The following HS3ST4 variants were observed in gnomAD, a reference collection of about 807,000 sequenced individuals.
HS3ST4 encodes the protein heparan sulfate glucosamine 3-O-sulfotransferase 4.
In HS3ST4, 17 loss-of-function variants were observed where a neutral mutation model predicts 29.2. The observed-to-expected ratio is 0.58, with a 90% CI of 0.40 to 0.87. The LOEUF (loss-of-function observed/expected upper bound fraction) is 0.87, where lower values mean the gene tolerates loss of function less well. Among genes scored for constraint, HS3ST4 ranks in the 40% least tolerant of loss-of-function variants. The pLI is 0.00. For missense variants in HS3ST4, 627 were observed against 634.5 expected, an observed-to-expected ratio of 0.99 and a Z score of 0.13; for synonymous variants, 314 against 285.7, an observed-to-expected ratio of 1.10 and a Z score of -1.00.
chr16:25,848,484 G>A (rs965043018), intron 1 of HS3ST4, among the ~76,000 whole-genome samples: 2 of 150,202 alleles, frequency 1.3e-5, no homozygotes, highest in African/African-American at 4.9e-5. Context: ...CTTTTTCTAA[G>A]CCCTTTTTGA....
intron 1 of HS3ST4, among the ~76,000 whole-genome samples, chr16:26,091,925 A>G (rs1898862256): frequency 6.6e-6 from 1 of 152,184 alleles, no homozygotes; most frequent in African/African-American, 2.4e-5. Context: ...GCTGTGAACA[A>G]TGATATGAAA....
In HS3ST4 at chr16:26,054,299, A is replaced by AGAGAGAGAGAG. The variant is rs397962355; in HGVS notation, c.735-81313_735-81312insGAGAGAGAGAG. Reference sequence around the variant, plus strand: ...GAGAGAGAGAGAGAGAGAGAGAGAGAAGGAGGAGGAGGAAGAAGAAGAAGA... The same window carrying AGAGAGAGAGAG: ...GAGAGAGAGAGAGAGAGAGAGAGAGAGAGAGAGAGAGAGGAGGAGGAGGAAGAAGAAGAAGA... On this transcript the variant is annotated intron_variant, in intron 1 of 1. Transcript: ENST00000331351. 2.2e-3 allele frequency among the ~76,000 whole-genome samples: 311 copies of AGAGAGAGAGAG among 141,618 alleles called. 4 individuals carry two copies. The highest frequency in any genetic ancestry group is 7.7e-3 in the Middle Eastern group (2 of 260). The allele number at this position is 141,618 out of a possible 152,430, so 92.9% of individuals were successfully genotyped here. A position where few individuals can be genotyped will look rare whatever the true frequency, so the allele number is the denominator to read the frequency against.
At chr16:25,974,996 C>T (rs1968929721) in intron 1 of HS3ST4, among the ~76,000 whole-genome samples, 1 of 152,096 alleles carries the variant, frequency 6.6e-6, no homozygotes, top group African/African-American at 2.4e-5. Context: ...CATCCAGTTG[C>T]TCTGGTTAAA....
intron 1 of HS3ST4, among the ~76,000 whole-genome samples, chr16:26,026,473 C>T (rs1178354755): frequency 6.6e-6 from 1 of 152,124 alleles, no homozygotes; most frequent in East Asian, 1.9e-4. Flanking sequence ...TCCTATCTTT[C>T]TCCTTTGCTA....
At chr16:25,801,602 G>A (rs888749135) in intron 1 of HS3ST4, among the ~76,000 whole-genome samples, 1 of 152,194 alleles carries the variant, frequency 6.6e-6, no homozygotes, top group Non-Finnish European at 1.5e-5. Context: ...GACTTTGCCA[G>A]TTAGTGAGGA....
At chr16:25,962,563 T>A (rs1337208673) in intron 1 of HS3ST4, among the ~76,000 whole-genome samples, 3 of 152,242 alleles carry the variant, frequency 2.0e-5, no homozygotes, top group African/African-American at 4.8e-5. Flanking sequence ...TTGCTTATAC[T>A]AACTGATGAG....
chr16:25,870,750 A>T (rs1418460142), intron 1 of HS3ST4, among the ~76,000 whole-genome samples: 1 of 152,204 alleles, frequency 6.6e-6, no homozygotes, highest in Non-Finnish European at 1.5e-5. Context: ...TGGTACAGAA[A>T]CAGGGATACC....
At chr16:25,962,699 G>T (rs896400405) in intron 1 of HS3ST4, among the ~76,000 whole-genome samples, 3 of 152,106 alleles carry the variant, frequency 2.0e-5, no homozygotes, top group Admixed American at 2.0e-4. Flanking sequence ...TAGCATGAAG[G>T]TGAGGTGGAT....
At chr16:25,855,428 T>C (rs1255704062) in intron 1 of HS3ST4, among the ~76,000 whole-genome samples, 1 of 152,210 alleles carries the variant, frequency 6.6e-6, no homozygotes, top group Non-Finnish European at 1.5e-5. Context: ...CCCATAAAGA[T>C]GGCTTTGCAG....
chr16:25,789,463 C>T (rs573384785), intron 1 of HS3ST4, among the ~76,000 whole-genome samples: 450 of 13,028 alleles, frequency 0.035, 2 homozygotes, highest in Non-Finnish European at 0.042. Context: ...TCCTTCCTTC[C>T]TTCCTTCTTT....
At chr16:25,847,500 G>A (rs1008210526) in intron 1 of HS3ST4, among the ~76,000 whole-genome samples, 1 of 152,022 alleles carries the variant, frequency 6.6e-6, no homozygotes, top group African/African-American at 2.4e-5. Flanking sequence ...TTTTGACTTG[G>A]TGCAATGTCT....
chr16:25,845,037 A>AG (rs140689314), intron 1 of HS3ST4, among the ~76,000 whole-genome samples: 138 of 151,948 alleles, frequency 9.1e-4, no homozygotes, highest in African/African-American at 3.1e-3. Flanking sequence ...TCATACACTG[A>AG]GGCCTGTTGG....
intron 1 of HS3ST4, among the ~76,000 whole-genome samples, chr16:25,814,984 A>G (rs138161206): frequency 6.6e-6 from 1 of 152,292 alleles, no homozygotes; most frequent in East Asian, 1.9e-4. Context: ...GCATGCCTGG[A>G]GAAATTAGAC....
At chr16:25,734,119 A>AAAAAC (rs541002328) in intron 1 of HS3ST4, among the ~76,000 whole-genome samples, 3,072 of 152,300 alleles carry the variant, frequency 0.02, 42 homozygotes, top group Non-Finnish European at 0.034. Flanking sequence ...TCCGTCTCAA[A>AAAAAC]AAAACAAAAC....
chr16:25,992,362 C>G (rs1267481041), intron 1 of HS3ST4, among the ~76,000 whole-genome samples: 1 of 152,142 alleles, frequency 6.6e-6, no homozygotes, highest in African/African-American at 2.4e-5. Context: ...TGATGTCCAG[C>G]AATTAGCCAG....
intron 1 of HS3ST4, among the ~76,000 whole-genome samples, chr16:25,814,806 T>C (rs1388187636): frequency 1.3e-5 from 2 of 152,226 alleles, no homozygotes; most frequent in Admixed American, 1.3e-4. Flanking sequence ...GTGGAGTAAA[T>C]GAATGCATTT....
At chr16:25,955,365 C>T (rs1426125936) in intron 1 of HS3ST4, among the ~76,000 whole-genome samples, 1 of 152,164 alleles carries the variant, frequency 6.6e-6, no homozygotes, top group Non-Finnish European at 1.5e-5. Flanking sequence ...GCTTTATAGC[C>T]TTCAGAATGA....
intron 1 of HS3ST4, among the ~76,000 whole-genome samples, chr16:26,028,373 CATAAAG>C (rs1327347313): frequency 1.3e-5 from 2 of 150,918 alleles, no homozygotes; most frequent in Admixed American, 6.6e-5. Context: ...TAAAGATGAT[CATAAAG>C]ATAAAGATAA....
chr16:25,849,921 A>T (rs1451281275), intron 1 of HS3ST4, among the ~76,000 whole-genome samples: 3 of 151,674 alleles, frequency 2.0e-5, no homozygotes, highest in Non-Finnish European at 4.4e-5. Context: ...AATTTAATTT[A>T]ATTTTATTCT....
Sources: allele counts gnomAD v4.1 joint callset (sites outside exome capture counted in the v4.1 genomes callset), GRCh38; gene constraint gnomAD v4.1.1; transcripts MANE v1.5; gene names NCBI Gene and HGNC (gene_info 2026-07-23, HGNC 2026-07-21).